UBE2E2: variants seen among roughly 807,000 people sequenced by gnomAD.
UBE2E2 encodes the protein ubiquitin conjugating enzyme E2 E2.
UBE2E2 carries 6 observed loss-of-function variants against 24.7 expected under a neutral mutation model. That is an observed-to-expected ratio of 0.24 (90% CI 0.13 to 0.48). The LOEUF (loss-of-function observed/expected upper bound fraction) is 0.48. Among genes scored for constraint, UBE2E2 ranks in the 20% least tolerant of loss-of-function variants. UBE2E2 has a pLI of 0.99. For missense variants in UBE2E2, 169 were observed against 245.0 expected, an observed-to-expected ratio of 0.69 and a Z score of 2.07; for synonymous variants, 104 against 83.6, an observed-to-expected ratio of 1.24 and a Z score of -1.33.
chr3:23,270,146 C>A (rs1473186295), intron 3 of UBE2E2, among the ~76,000 whole-genome samples: 3 of 120,702 alleles, frequency 2.5e-5, no homozygotes, highest in Admixed American at 1.0e-4. Context: ...TTCCACCCCC[C>A]TCCTCCTTTT....
chr3:23,318,983 G>C (rs13074192), intron 3 of UBE2E2, among the ~76,000 whole-genome samples: 73,628 of 151,970 alleles, frequency 0.48, 18,308 homozygotes, highest in Admixed American at 0.58. Context: ...TGTTCCTTTT[G>C]TCAAAAAATG....
intron 5 of UBE2E2, among the ~76,000 whole-genome samples, chr3:23,549,761 G>A (rs1236355796): frequency 6.6e-6 from 1 of 152,198 alleles, no homozygotes; most frequent in South Asian, 2.1e-4. Flanking sequence ...AACCGGGCGC[G>A]GTGGCTCACA....
chr3:23,485,307 G>A (rs1699340975), intron 3 of UBE2E2, among the ~76,000 whole-genome samples: 1 of 151,942 alleles, frequency 6.6e-6, no homozygotes, highest in African/African-American at 2.4e-5. Context: ...TGTTGGCCAG[G>A]CTGGTCTCGA....
At chr3:23,427,459 C>G (rs1232878651) in intron 3 of UBE2E2, among the ~76,000 whole-genome samples, 1 of 151,664 alleles carries the variant, frequency 6.6e-6, no homozygotes, top group Non-Finnish European at 1.5e-5. Context: ...ATAAAATGCT[C>G]AAAACCACAA....
chr3:23,225,922 C>T (rs1696808920), intron 3 of UBE2E2, among the ~76,000 whole-genome samples: 1 of 151,988 alleles, frequency 6.6e-6, no homozygotes, highest in African/African-American at 2.4e-5. Context: ...CTCTGTTGCC[C>T]AGACTGGAGT....
At chr3:23,325,166 T>C (rs1350876426) in intron 3 of UBE2E2, among the ~76,000 whole-genome samples, 1 of 152,148 alleles carries the variant, frequency 6.6e-6, no homozygotes, top group African/African-American at 2.4e-5. Flanking sequence ...GAAACAATTA[T>C]TAGGTTATTT....
At chr3:23,319,266 C>G (rs1694676610) in intron 3 of UBE2E2, among the ~76,000 whole-genome samples, 1 of 152,130 alleles carries the variant, frequency 6.6e-6, no homozygotes, top group Non-Finnish European at 1.5e-5. Context: ...ATTCATTACT[C>G]TCTTGCTGAT....
At chr3:23,374,402 TA>T (rs1196092222) in intron 3 of UBE2E2, among the ~76,000 whole-genome samples, 1 of 152,190 alleles carries the variant, frequency 6.6e-6, no homozygotes, top group Admixed American at 6.6e-5. Flanking sequence ...ATTGAATAAA[TA>T]AAACAAGTTT....
chr3:23,249,468 A>G (rs533522182), intron 3 of UBE2E2, among the ~76,000 whole-genome samples: 2 of 152,286 alleles, frequency 1.3e-5, no homozygotes, highest in South Asian at 2.1e-4. Flanking sequence ...GCTTCTTAGT[A>G]TGTTTTCCAG....
chr3:23,304,621 C>T (rs879937505), intron 3 of UBE2E2, among the ~76,000 whole-genome samples: 1 of 152,064 alleles, frequency 6.6e-6, no homozygotes, highest in Non-Finnish European at 1.5e-5. Flanking sequence ...TATCCTCACA[C>T]ATAATATGTA....
At chr3:23,566,656 A>G (rs148090687) in intron 5 of UBE2E2, among the ~76,000 whole-genome samples, 1 of 152,256 alleles carries the variant, frequency 6.6e-6, no homozygotes, top group East Asian at 1.9e-4. Flanking sequence ...AACGAAAGCA[A>G]GAAGTTGCCA....
intron 5 of UBE2E2, among the ~76,000 whole-genome samples, chr3:23,564,012 G>A (rs1211467185): frequency 6.7e-6 from 1 of 148,790 alleles, no homozygotes; most frequent in African/African-American, 2.5e-5. Context: ...AGAGAAAGAA[G>A]GAAGGAAGGA....
intron 3 of UBE2E2, among the ~76,000 whole-genome samples, chr3:23,218,187 T>C (rs1696531078): frequency 6.6e-6 from 1 of 152,130 alleles, no homozygotes; most frequent in Non-Finnish European, 1.5e-5. Context: ...TTACTGATCT[T>C]ACTTTTATGT....
At chr3:23,381,439 AG>A (rs1299697109) in intron 3 of UBE2E2, among the ~76,000 whole-genome samples, 1 of 152,254 alleles carries the variant, frequency 6.6e-6, no homozygotes, top group East Asian at 1.9e-4. Context: ...TCTCAGAAGA[AG>A]GTAAGTTATG....
intron 2 of UBE2E2, among the ~76,000 whole-genome samples, chr3:23,212,933 A>G (rs917742872): frequency 1.3e-5 from 2 of 152,102 alleles, no homozygotes; most frequent in Non-Finnish European, 2.9e-5. Flanking sequence ...TGCAATGGCA[A>G]TGTGTTTTCT....
intron 3 of UBE2E2, among the ~76,000 whole-genome samples, chr3:23,387,040 G>T (rs1353466489): frequency 2.0e-5 from 3 of 152,174 alleles, no homozygotes; most frequent in Admixed American, 6.5e-5. Flanking sequence ...TTATGAAAAA[G>T]AACTCTATTT....
chr3:23,498,216 C>T (rs1429429956), intron 3 of UBE2E2, among the ~76,000 whole-genome samples: 1 of 152,014 alleles, frequency 6.6e-6, no homozygotes, highest in Non-Finnish European at 1.5e-5. Flanking sequence ...TGCAGCTTGC[C>T]TTGTCACTCT....
chr3:23,462,927 G>T (rs1272135097), intron 3 of UBE2E2, among the ~76,000 whole-genome samples: 1 of 152,080 alleles, frequency 6.6e-6, no homozygotes, highest in Non-Finnish European at 1.5e-5. Flanking sequence ...TTGTAATGGT[G>T]CCCCATCCCA....
At chr3:23,517,327 A>G (rs1213393118) in intron 4 of UBE2E2, among the ~76,000 whole-genome samples, 1 of 152,160 alleles carries the variant, frequency 6.6e-6, no homozygotes, top group African/African-American at 2.4e-5. Flanking sequence ...TAATCACAAG[A>G]CTTTTTAAAT....
Sources: allele counts gnomAD v4.1 joint callset (sites outside exome capture counted in the v4.1 genomes callset), GRCh38; gene constraint gnomAD v4.1.1; transcripts MANE v1.5; gene names NCBI Gene and HGNC (gene_info 2026-07-23, HGNC 2026-07-21).